CSMD3: variants seen among roughly 807,000 people sequenced by gnomAD.
CSMD3 encodes CUB and Sushi multiple domains 3.
Under a neutral mutation model 435.2 loss-of-function variants are expected in CSMD3, and 177 were observed. The ratio of observed to expected loss-of-function variants is 0.41; its 90% confidence interval spans 0.36 to 0.46. The LOEUF (loss-of-function observed/expected upper bound fraction) is 0.46. CSMD3 is among the 20% of genes least tolerant of loss of function. The pLI is 0.34. For missense variants in CSMD3, 4,265 were observed against 4,504.6 expected (o/e 0.95, Z 1.52); for synonymous variants, 1,656 against 1,520.5 (o/e 1.09, Z -2.07).
intron 2 of CSMD3, among the ~76,000 whole-genome samples, chr8:113,305,149 T>C (rs1188049413): frequency 1.1e-4 from 7 of 62,710 alleles, no homozygotes; most frequent in Non-Finnish European, 2.1e-4. Flanking sequence ...TGGGGACTGT[T>C]GTGGGGTTGG....
chr8:112,381,947 A>G (rs891080958), intron 37 of CSMD3, among the ~76,000 whole-genome samples: 1 of 152,088 alleles, frequency 6.6e-6, no homozygotes, highest in African/African-American at 2.4e-5. Context: ...TTTATCACTC[A>G]TATTATCATT....
intron 10 of CSMD3, among the ~76,000 whole-genome samples, chr8:112,884,052 CCTTTT>C (rs1458504007): frequency 6.6e-6 from 1 of 151,800 alleles, no homozygotes; most frequent in African/African-American, 2.4e-5. Flanking sequence ...CTCACAGATT[CCTTTT>C]CAAGACTGTA....
chr8:112,320,450 AT>A (rs920629956), intron 45 of CSMD3, among the ~76,000 whole-genome samples: 1 of 151,908 alleles, frequency 6.6e-6, no homozygotes, highest in African/African-American at 2.4e-5. Flanking sequence ...CACAAAAAAA[AT>A]TTTCTTATTT....
At chr8:112,569,151 G>A (rs2047118259) in intron 24 of CSMD3, among the ~76,000 whole-genome samples, 1 of 152,150 alleles carries the variant, frequency 6.6e-6, no homozygotes, top group Admixed American at 6.6e-5. Flanking sequence ...AGTATATGCG[G>A]TTGGCACTGC....
intron 5 of CSMD3, among the ~76,000 whole-genome samples, chr8:113,047,311 G>T (rs2087878361): frequency 6.6e-6 from 1 of 152,178 alleles, no homozygotes; most frequent in Admixed American, 6.5e-5. Flanking sequence ...TTTGTTCACT[G>T]ATGCAACCTC....
intron 10 of CSMD3, among the ~76,000 whole-genome samples, chr8:112,891,918 T>C: frequency 6.6e-6 from 1 of 151,382 alleles, no homozygotes; most frequent in East Asian, 2.0e-4. Flanking sequence ...TGTGTGTATG[T>C]GTGTGTGTGT....
intron 5 of CSMD3, among the ~76,000 whole-genome samples, chr8:113,091,527 T>C (rs1468936350): frequency 1.3e-5 from 2 of 152,086 alleles, no homozygotes; most frequent in African/African-American, 4.8e-5. Flanking sequence ...AATTTAACAG[T>C]TTCTTCTAGA....
intron 11 of CSMD3, among the ~76,000 whole-genome samples, chr8:112,855,847 T>C (rs909260708): frequency 2.1e-5 from 3 of 141,808 alleles, no homozygotes; most frequent in Non-Finnish European, 3.0e-5. Flanking sequence ...GATCTGTCCC[T>C]GAGGAGCTAT....
intron 27 of CSMD3, among the ~76,000 whole-genome samples, chr8:112,528,690 C>T (rs1825226959): frequency 6.6e-6 from 1 of 152,132 alleles, no homozygotes; most frequent in Non-Finnish European, 1.5e-5. Context: ...TGAAAGGCTC[C>T]TGCAGCCCAG....
At chr8:113,228,528 A>T (rs180761802) in intron 3 of CSMD3, among the ~76,000 whole-genome samples, 11 of 151,590 alleles carry the variant, frequency 7.3e-5, no homozygotes, top group Non-Finnish European at 1.2e-4. Context: ...ACAGAATGCC[A>T]TGAAAAGGGA....
At position 112,613,117 on chromosome 8, in the gene CSMD3, T is replaced by G. The variant is rs1833393550; in HGVS notation, c.3715+23700A>C. ...GAAAGTCTATGTGTTATAAAATTAC[T>G]GAGAAGAAGATCGTCAGTCTACAGG... On this transcript the variant is annotated intron_variant, in intron 22 of 70. Transcript: ENST00000297405. Among the ~76,000 whole-genome samples the G allele has an allele frequency of 2.0e-5, 3 of 152,234 alleles. No individual in the cohort carries two copies. In the South Asian group the frequency reaches 6.2e-4, roughly 32 times the overall value.
intron 40 of CSMD3, among the ~76,000 whole-genome samples, chr8:112,349,517 AC>A (rs1258910960): frequency 2.0e-5 from 3 of 152,098 alleles, no homozygotes; most frequent in Admixed American, 6.6e-5. Context: ...GCAGAAAAAA[AC>A]ATATTTATTT....
At chr8:112,678,169 T>C (rs1397518298) in intron 16 of CSMD3, among the ~76,000 whole-genome samples, 1 of 152,168 alleles carries the variant, frequency 6.6e-6, no homozygotes, top group African/African-American at 2.4e-5. Flanking sequence ...GAGATTATGA[T>C]TCCTGATCTG....
chr8:112,618,937 T>C (rs1833859699), intron 22 of CSMD3, among the ~76,000 whole-genome samples: 1 of 152,150 alleles, frequency 6.6e-6, no homozygotes, highest in South Asian at 2.1e-4. Context: ...AAATTATTCA[T>C]ATGAGTTATG....
intron 31 of CSMD3, among the ~76,000 whole-genome samples, chr8:112,488,099 C>T (rs930503848): frequency 6.6e-6 from 1 of 152,050 alleles, no homozygotes; most frequent in Non-Finnish European, 1.5e-5. Context: ...CAGGACTTAC[C>T]ACAGGATGCA....
chr8:112,412,362 G>A (rs1811443935), intron 32 of CSMD3, among the ~76,000 whole-genome samples: 1 of 10,510 alleles, frequency 9.5e-5, no homozygotes, highest in Non-Finnish European at 2.2e-4. Context: ...AACAAGCTCC[G>A]TGGTGGTCTG....
intron 19 of CSMD3, among the ~76,000 whole-genome samples, chr8:112,647,658 T>G (rs2131622556): frequency 6.6e-6 from 1 of 152,294 alleles, no homozygotes; most frequent in East Asian, 1.9e-4. Flanking sequence ...TATCCTTGTC[T>G]ATGTTCTTTA....
At chr8:112,252,677 GTGTATATATATA>G (rs1563691090) in intron 63 of CSMD3, among the ~76,000 whole-genome samples, 2 of 78,466 alleles carry the variant, frequency 2.5e-5, no homozygotes, top group Non-Finnish European at 4.3e-5. Flanking sequence ...GTATGTGTGT[GTGTATATATATA>G]TATATATATA....
intron 22 of CSMD3, among the ~76,000 whole-genome samples, chr8:112,617,290 T>G (rs571892680): frequency 1.3e-5 from 2 of 152,210 alleles, no homozygotes; most frequent in Non-Finnish European, 2.9e-5. Context: ...TATTGATTTA[T>G]AACTTTTTTC....
Sources: allele counts gnomAD v4.1 joint callset (sites outside exome capture counted in the v4.1 genomes callset), GRCh38; gene constraint gnomAD v4.1.1; transcripts MANE v1.5; gene names NCBI Gene and HGNC (gene_info 2026-07-23, HGNC 2026-07-21).